SLFN5: variants seen among roughly 807,000 people sequenced by gnomAD.
SLFN5 encodes schlafen family member 5.
SLFN5 carries 34 observed loss-of-function variants against 48.5 expected under a neutral mutation model. The ratio of observed to expected loss-of-function variants is 0.70; its 90% CI spans 0.53 to 0.93. The LOEUF is 0.93. Ranked by LOEUF, SLFN5 falls within the 40% of genes least tolerant of loss-of-function variation. SLFN5 has a pLI of 0.00. For missense variants in SLFN5, 1,006 were observed against 1,071.3 expected, an observed-to-expected ratio of 0.94 and a Z score of 0.85; for synonymous variants, 387 against 396.2, an observed-to-expected ratio of 0.98 and a Z score of 0.28.
In SLFN5 at chr17:35,259,301, T is replaced by G; in HGVS notation, c.611T>G (p.Val204Gly). 6.2e-7 allele frequency: 1 copy of G among 1,614,204 alleles called. No homozygotes were observed. The highest frequency in any genetic ancestry group is 1.3e-5 in the African/African-American group (1 of 75,070). The change falls in exon 2 of 5, where the codon GTG becomes GGG. Residue 204 changes from valine to glycine, a missense_variant. Physicochemically the swap from Val to Gly is moderately radical, Grantham distance 109. Transcript: ENST00000299977. The stretch of plus-strand genomic sequence containing the variant: ...GAATTTGTAATGTTCTCGACAGACG[T>G]GTCACACTGTGTTAAAGACAGACTT... ...HVEFVMFSTD[V>G]SHCVKDRLPK... is the part of the protein sequence containing the mutation.
chr17:35,244,290 G>T (rs57708672), intron 1 of SLFN5, among the ~76,000 whole-genome samples: 42,413 of 151,992 alleles, frequency 0.28, 6,906 homozygotes, highest in Middle Eastern at 0.38. Context: ...AATCTTGAGG[G>T]GCTCGGTTGC....
Position 35,268,119 on chromosome 17 carries a change from T to G in SLFN5, c.*2231T>G. Reference sequence around the variant, plus strand: ...AACCAGGTTAACAGCGAGGGCCTCATCTCACACCAGATCATATCAGGCTAC... The same window carrying G: ...AACCAGGTTAACAGCGAGGGCCTCAGCTCACACCAGATCATATCAGGCTAC... On this transcript the variant is annotated 3_prime_UTR_variant, in exon 5 of 5. Coordinates refer to ENST00000299977, the MANE Select transcript of SLFN5 (RefSeq NM_144975.4). 6.6e-6 allele frequency: 1 copy of G among 152,142 alleles called. No homozygotes were observed. Among genetic ancestry groups the G allele is most frequent in the Middle Eastern group, 3.2e-3 (1 of 316 alleles). The allele number at this position is 152,142 out of a possible 1,614,324, so 9.4% of individuals were successfully genotyped here.
intron 1 of SLFN5, among the ~76,000 whole-genome samples, chr17:35,244,206 G>A (rs2092425590): frequency 6.6e-6 from 1 of 152,130 alleles, no homozygotes; most frequent in African/African-American, 2.4e-5. Context: ...AAAGTGGGTA[G>A]TTAACATATG....
In SLFN5 at chr17:35,266,142, ATGTGTGTGTGTGTG is replaced by A. The variant is rs58644233; in HGVS notation, c.*277_*290del. 22 of 240,430 alleles carry A rather than the reference ATGTGTGTGTGTGTG, an allele frequency of 9.2e-5. No homozygotes were observed. The highest frequency in any genetic ancestry group is 1.5e-3 in the Middle Eastern group (1 of 684). 14.9% of individuals were successfully genotyped at this position (240,430 alleles called of 1,614,324 possible). A position where few individuals can be genotyped will look rare whatever the true frequency, so the allele number is the denominator to read the frequency against. On this transcript the variant is annotated 3_prime_UTR_variant, in exon 5 of 5. Transcript: ENST00000299977. ...AATTAGAGGACCGTGAGACTCAGAG[ATGTGTGTGTGTGTG>A]TGTGTGTGTGTGTGTGTGTGTGCGC...
rs139492143 is a variant in SLFN5 at position 35,265,533 on chromosome 17, C to T, written c.2321C>T (p.Ala774Val). The T allele has an allele frequency of 3.2e-4, 517 of 1,614,128 alleles. No homozygotes were observed. The highest frequency in any genetic ancestry group is 5.8e-4 in the South Asian group (53 of 91,080). ...TTGGAGGAGATACTGATCTATGTAG[C>T]GAATAAATGCCGTTTTCTCTTGCGG... The part of the protein sequence containing the change: ...LNLEEILIYV[A>V]NKCRFLLRNG... The change falls in exon 5 of 5, where the codon GCG becomes GTG. Residue 774 changes from alanine (A) to valine (V), a missense_variant. Ala to Val is a moderately conservative substitution (Grantham distance 64). Transcript: ENST00000299977.
intron 1 of SLFN5, among the ~76,000 whole-genome samples, chr17:35,244,064 A>C (rs1246990677): frequency 6.6e-6 from 1 of 152,162 alleles, no homozygotes; most frequent in Non-Finnish European, 1.5e-5. Context: ...AGCTGGTCAC[A>C]ATGCCCTTAA....
chr17:35,254,388 A>G (rs2142693227), intron 1 of SLFN5, among the ~76,000 whole-genome samples: 1 of 152,206 alleles, frequency 6.6e-6, no homozygotes, highest in East Asian at 1.9e-4. Flanking sequence ...ACCTCCCTTC[A>G]CAAACATCCA....
Position 35,273,565 on chromosome 17 carries a change from T to TGTTATATATACAAAAATGTAA in SLFN5, c.*7679_*7680insTATATATACAAAAATGTAAGT, listed in dbSNP as rs1384641605. ...TGAAAAATGTAGAAAATACAAAAAG[T>TGTTATATATACAAAAATGTAA]GTCTATATATACAAAAATGTAAGTG... On this transcript the variant is annotated 3_prime_UTR_variant, in exon 5 of 5. Transcript: ENST00000299977. 2.6e-5 allele frequency: 4 copies of TGTTATATATACAAAAATGTAA among 152,052 alleles called. No homozygotes were observed. The highest frequency in any genetic ancestry group is 9.7e-5 in the African/African-American group (4 of 41,392). 9.4% of individuals were successfully genotyped at this position (152,052 alleles called of 1,614,324 possible). A position where few individuals can be genotyped will look rare whatever the true frequency, so the allele number is the denominator to read the frequency against.
rs534863838 is a variant in SLFN5 at position 35,259,007 on chromosome 17, C to G, written c.317C>G (p.Ala106Gly). 3 of 1,614,008 alleles carry G rather than the reference C, an allele frequency of 1.9e-6. No homozygotes were observed. Among genetic ancestry groups the G allele is most frequent in the Non-Finnish European group, 2.5e-6 (3 of 1,180,026 alleles). ...LIFVKSWNTE[A>G]GVPLATLCSN... ...TTTGTGAAATCATGGAACACAGAGG[C>G]TGGTGTGCCACTTGCTACCTTATGC... The change falls in exon 2 of 5, where the codon GCT becomes GGT. Residue 106 changes from alanine (A) to glycine (G), a missense_variant. Coordinates refer to ENST00000299977, the MANE Select transcript of SLFN5 (RefSeq NM_144975.4).
At position 35,258,304 on chromosome 17, in the gene SLFN5, C is replaced by T. The variant is rs571306525; in HGVS notation, c.-40-347C>T. Among the ~76,000 whole-genome samples the T allele has an allele frequency of 3.6e-4, 55 of 152,020 alleles. No homozygotes were observed. In the South Asian group the frequency reaches 4.4e-3, roughly 12 times the overall value. On this transcript the variant is annotated intron_variant, in intron 1 of 4. Coordinates refer to ENST00000299977, the MANE Select transcript of SLFN5 (RefSeq NM_144975.4). ...GGGGAGTCCTGACAATCACGGTGGA[C>T]GGTGAAAGGCACGTCTTACATGGAG...
In SLFN5 at chr17:35,264,296, A is replaced by T; in HGVS notation, c.1252A>T (p.Ile418Leu). 1 of 1,614,164 alleles carries T rather than the reference A, an allele frequency of 6.2e-7. No homozygotes were observed. Among genetic ancestry groups the T allele is most frequent in the Non-Finnish European group, 8.5e-7 (1 of 1,180,036 alleles). The change falls in exon 4 of 5, where the codon ATA becomes TTA. Residue 418 changes from isoleucine (I) to leucine (L), a missense_variant. By Grantham distance (5) the Ile-to-Leu change is conservative. Coordinates refer to ENST00000299977, the MANE Select transcript of SLFN5 (RefSeq NM_144975.4). Reference protein sequence around the residue: ...NTEMRPFSQGILIFSQSWAVD... With the variant: ...NTEMRPFSQGLLIFSQSWAVD... The stretch of plus-strand genomic sequence containing the variant: ...AGAAATGCGCCCTTTCTCTCAAGGA[A>T]TATTGATTTTTTCTCAAAGCTGGGC...
At position 35,258,805 on chromosome 17, in the gene SLFN5, C is replaced by G. The variant is rs141799798; in HGVS notation, c.115C>G (p.Gln39Glu). The change falls in exon 2 of 5, where the codon CAG becomes GAG. Residue 39 changes from glutamine to glutamate, a missense_variant. Transcript: ENST00000299977. ...GATGGACCCTCGCCTGCGGGAGAAA[C>G]AGAATGAAATCATCCTGCGAGCAGT... ...QEMDPRLREK[Q>E]NEIILRAVCA... 19 of 1,614,112 alleles carry G rather than the reference C, an allele frequency of 1.2e-5. No individual in the cohort carries two copies. In the African/African-American group the frequency reaches 2.5e-4, roughly 22 times the overall value.
In SLFN5 at chr17:35,261,004, T is replaced by C; in HGVS notation, c.1046T>C (p.Leu349Ser). 6.2e-7 allele frequency: 1 copy of C among 1,614,004 alleles called. No individual in the cohort carries two copies. The highest frequency in any genetic ancestry group is 1.3e-5 in the African/African-American group (1 of 75,046). Residue 349 changes from leucine (L) to serine (S), a missense_variant, in exon 3 of 5, where the codon TTG becomes TCG. Physicochemically the swap from Leu to Ser is moderately radical, Grantham distance 145. Transcript: ENST00000299977. ...AGGTGTCCTGAGATGGTTCTCCAGT[T>C]GAGTTTGTCATCTGCCACGCCCCGC... ...LSRCPEMVLQ[L>S]SLSSATPRSK... is the part of the protein sequence containing the mutation.
intron 3 of SLFN5, among the ~76,000 whole-genome samples, chr17:35,263,777 C>T (rs971631327): frequency 7.2e-6 from 1 of 139,196 alleles, no homozygotes; most frequent in Non-Finnish European, 1.5e-5. Flanking sequence ...GAGCCGAGAT[C>T]GCACCACTGG....
chr17:35,244,847 CAGG>C (rs889842437), intron 1 of SLFN5, among the ~76,000 whole-genome samples: 1 of 151,938 alleles, frequency 6.6e-6, no homozygotes, highest in Non-Finnish European at 1.5e-5. Flanking sequence ...GAGCCTGAGG[CAGG>C]AGAATTGCTT....
At position 35,265,094 on chromosome 17, in the gene SLFN5, C is replaced by A. The variant is rs781642354; in HGVS notation, c.1882C>A (p.Gln628Lys). ...LVSFSKKNIC[Q>K]PVTRKTFMKN... ...CAGTTTCAGCAAGAAAAACATCTGC[C>A]AGCCAGTGACCCGGAAAACCTTCAT... is the stretch of plus-strand genomic sequence containing the variant. The change falls in exon 5 of 5, where the codon CAG becomes AAG. Residue 628 changes from glutamine (Q) to lysine (K), a missense_variant. By Grantham distance (53) the Gln-to-Lys change is moderately conservative. Transcript: ENST00000299977. 6 of 1,611,002 alleles carry A rather than the reference C, an allele frequency of 3.7e-6. No individual in the cohort carries two copies. The South Asian group carries it at 6.6e-5, about 18-fold the overall frequency.
intron 1 of SLFN5, among the ~76,000 whole-genome samples, chr17:35,258,193 T>C (rs1904397963): frequency 6.6e-6 from 1 of 152,214 alleles, no homozygotes; most frequent in Non-Finnish European, 1.5e-5. Context: ...ATTTCATTCA[T>C]CCATTTTCAC....
chr17:35,256,541 T>C (rs1345518367), intron 1 of SLFN5, among the ~76,000 whole-genome samples: 1 of 152,114 alleles, frequency 6.6e-6, no homozygotes, highest in African/African-American at 2.4e-5. Flanking sequence ...CACAAAACAC[T>C]ACCAGTTTGG....
Position 35,259,371 on chromosome 17 carries a change from A to G in SLFN5, c.681A>G (p.Val227=), listed in dbSNP as rs142058986. The G allele has an allele frequency of 1.9e-6, 3 of 1,614,062 alleles. No homozygotes were observed. The highest frequency in any genetic ancestry group is 1.3e-5 in the African/African-American group (1 of 74,914). The part of the protein sequence containing the change: ...SAFANTEGGY[V]FFGVHDETCQ... ...TTGCAAATACTGAAGGAGGATATGT[A>G]TTTTTTGGTGTGCATGATGAGACTT... The change falls in exon 2 of 5, where the codon GTA becomes GTG. Residue 227 remains valine, a synonymous_variant. Transcript: ENST00000299977.
Sources: gnomAD v4.1 joint callset for allele counts (sites outside exome capture counted in the v4.1 genomes callset) on GRCh38, gnomAD v4.1.1 for gene constraint, MANE v1.5 for transcripts, NCBI Gene and HGNC (gene_info 2026-07-23, HGNC 2026-07-21) for gene names.